Variants in EZR observed in about 807,000 individuals in gnomAD.
The protein encoded by EZR is ezrin.
Under a neutral mutation model 74.8 loss-of-function variants are expected in EZR, and 40 were observed. The ratio of observed to expected loss-of-function variants is 0.53; its 90% CI spans 0.42 to 0.70. EZR has a LOEUF of 0.70. Ranked by LOEUF, EZR falls within the 30% of genes least tolerant of loss-of-function variation. The probability of loss-of-function intolerance (pLI) is 0.00; values close to 1 mark genes in which losing one functional copy is unlikely to be tolerated. For synonymous variants in EZR, 341 were observed against 283.3 expected (o/e 1.20, Z -2.05); for missense variants, 678 against 755.8 (o/e 0.90, Z 1.21).
At chr6:158,812,603 T>C (rs746069934) in intron 2 of EZR, among the ~76,000 whole-genome samples, 2 of 152,206 alleles carry the variant, frequency 1.3e-5, no homozygotes, top group Non-Finnish European at 2.9e-5. Context: ...GATTTAAAAA[T>C]AACGTAGTTT....
At chr6:158,794,456 T>C (rs1777023949) in intron 2 of EZR, among the ~76,000 whole-genome samples, 1 of 152,186 alleles carries the variant, frequency 6.6e-6, no homozygotes, top group Non-Finnish European at 1.5e-5. Context: ...GCCAACTGGT[T>C]CTTGTATCTT....
chr6:158,797,075 AT>A (rs567594907), intron 2 of EZR, among the ~76,000 whole-genome samples: 92 of 152,238 alleles, frequency 6.0e-4, no homozygotes, highest in African/African-American at 2.1e-3. Context: ...TAGGTATGCA[AT>A]TTTTCCTTTG....
chr6:158,810,502 T>C (rs543281651), intron 2 of EZR, among the ~76,000 whole-genome samples: 2 of 152,148 alleles, frequency 1.3e-5, no homozygotes, highest in Non-Finnish European at 2.9e-5. Flanking sequence ...GCAAAACCAA[T>C]CTTATTTTTA....
At chr6:158,795,367 T>A (rs1251187829) in intron 2 of EZR, among the ~76,000 whole-genome samples, 1 of 151,842 alleles carries the variant, frequency 6.6e-6, no homozygotes, top group Admixed American at 6.6e-5. Context: ...AGGCGAGGAG[T>A]TTGAGACTAC....
intron 2 of EZR, among the ~76,000 whole-genome samples, chr6:158,815,564 C>T (rs944592233): frequency 2.6e-5 from 4 of 152,198 alleles, no homozygotes; most frequent in Non-Finnish European, 5.9e-5. Context: ...CAGCCTTGAC[C>T]TCCAGGGCTC....
chr6:158,766,773 A>T lies in EZR; in HGVS notation c.*141T>A, dbSNP rs763084832. On this transcript the variant is annotated 3_prime_UTR_variant, in exon 14 of 14. Coordinates refer to ENST00000367075, the MANE Select transcript of EZR (RefSeq NM_001111077.2). ...GGCGCCTCCCTGGTTCCCAGCCCAG[A>T]ATGTTTCTGTTGGGTAACTGCTTTC... 8.1e-6 allele frequency: 7 copies of T among 866,648 alleles called. No homozygotes were observed. Among genetic ancestry groups the T allele is most frequent in the Non-Finnish European group, 1.3e-5 (7 of 552,164 alleles). The allele number at this position is 866,648 out of a possible 1,614,324, so 53.7% of individuals were successfully genotyped here.
At chr6:158,804,505 G>A (rs1370917738) in intron 2 of EZR, among the ~76,000 whole-genome samples, 1 of 152,158 alleles carries the variant, frequency 6.6e-6, no homozygotes, top group East Asian at 1.9e-4. Flanking sequence ...TCACCAACAT[G>A]CTTCACTGAA....
chr6:158,775,406 A>C (rs1202033935), intron 8 of EZR, among the ~76,000 whole-genome samples: 1 of 152,218 alleles, frequency 6.6e-6, no homozygotes, highest in African/African-American at 2.4e-5. Flanking sequence ...ATGCTAGACA[A>C]ACCTGTATGT....
intron 2 of EZR, among the ~76,000 whole-genome samples, chr6:158,816,290 T>C (rs375035968): frequency 2.1e-4 from 32 of 152,232 alleles, no homozygotes; most frequent in African/African-American, 7.7e-4. Flanking sequence ...TACCTTGAAA[T>C]GTAAACCTAA....
chr6:158,776,525 T>C lies in EZR; in HGVS notation c.699-21A>G, dbSNP rs760573723. ...TTAACCTGAGGTTAAAAAGAAGAAG[T>C]GGATGGTTAGATGTATACATATGTT... On this transcript the variant is annotated intron_variant, in intron 7 of 13. Transcript: ENST00000367075. 48 of 1,559,168 alleles carry C rather than the reference T, an allele frequency of 3.1e-5. No homozygotes were observed. In the South Asian group the frequency reaches 4.5e-4, roughly 15 times the overall value.
chr6:158,782,356 T>A (rs1215020730), intron 7 of EZR, among the ~76,000 whole-genome samples: 3 of 152,120 alleles, frequency 2.0e-5, no homozygotes, highest in East Asian at 3.9e-4. Context: ...ACCACTCCCT[T>A]TGAGAACTCC....
chr6:158,772,054 C>T (rs1791127262), intron 8 of EZR, among the ~76,000 whole-genome samples: 1 of 152,198 alleles, frequency 6.6e-6, no homozygotes, highest in South Asian at 2.1e-4. Context: ...TGGGCCCAGC[C>T]TCCGCTGTGC....
rs778332288 is a variant in EZR, at chr6:158,818,113, T to TC, written c.-21dup. 1 of 1,607,162 alleles carries TC rather than the reference T, an allele frequency of 6.2e-7. No homozygotes were observed. Among genetic ancestry groups the TC allele is most frequent in the Non-Finnish European group, 8.5e-7 (1 of 1,175,360 alleles). On this transcript the variant is annotated 5_prime_UTR_variant, in exon 2 of 14. Coordinates refer to ENST00000367075, the MANE Select transcript of EZR (RefSeq NM_001111077.2). ...CGGCATTTTCGGTTTCTGGTGAGTA[T>TC]CCTCGATCCCCGAAAACACGACTAT...
intron 10 of EZR, 28 bp from the exon 11 acceptor site, chr6:158,769,972 C>T: frequency 1.2e-6 from 2 of 1,604,622 alleles, no homozygotes; most frequent in Non-Finnish European, 1.7e-6. Flanking sequence ...CAGAGCCATT[C>T]AAACCCTCAG....
intron 2 of EZR, among the ~76,000 whole-genome samples, chr6:158,817,083 C>T (rs1477701384): frequency 2.0e-5 from 3 of 152,004 alleles, no homozygotes; most frequent in African/African-American, 7.2e-5. Flanking sequence ...AGACTCCGCT[C>T]CCCCATCCCC....
At chr6:158,815,122 A>G (rs1032719592) in intron 2 of EZR, among the ~76,000 whole-genome samples, 1 of 152,238 alleles carries the variant, frequency 6.6e-6, no homozygotes, top group Non-Finnish European at 1.5e-5. Flanking sequence ...CTTCGCTAAC[A>G]TTCTTAACTT....
rs58499377 is a variant in EZR at position 158,811,875 on chromosome 6, C to CAAA, written c.12+6204_12+6206dup. Reference sequence around the variant, plus strand: ...GGGTGACAGAGTGAGACCCTGTTTCCAAAAAAAAAAAATTCACATTATTTC... The same window carrying CAAA: ...GGGTGACAGAGTGAGACCCTGTTTCCAAAAAAAAAAAAAAATTCACATTATTTC... On this transcript the variant is annotated intron_variant, in intron 2 of 13. Coordinates refer to ENST00000367075, the MANE Select transcript of EZR (RefSeq NM_001111077.2). Among the ~76,000 whole-genome samples the CAAA allele has an allele frequency of 1.7e-3, 238 of 140,748 alleles. 1 individual carries two copies. The highest frequency in any genetic ancestry group is 5.9e-3 in the African/African-American group (222 of 37,570). 92.3% of individuals were successfully genotyped at this position (140,748 alleles called of 152,430 possible).
At position 158,789,278 on chromosome 6, in the gene EZR, A is replaced by G. The variant is rs1421145819; in HGVS notation, c.96+10T>C. ...GTAGGTGGAGTTAACTCTCAAGTTC[A>G]GAGACCAACCTGATCAAAAAGCTGT... On this transcript the variant is annotated intron_variant, in intron 3 of 13. Coordinates refer to ENST00000367075, the MANE Select transcript of EZR (RefSeq NM_001111077.2). 6.2e-7 allele frequency: 1 copy of G among 1,610,608 alleles called. No homozygotes were observed. The highest frequency in any genetic ancestry group is 8.5e-7 in the Non-Finnish European group (1 of 1,177,642).
chr6:158,791,957 C>A (rs950169313), intron 2 of EZR, among the ~76,000 whole-genome samples: 1 of 151,962 alleles, frequency 6.6e-6, no homozygotes, highest in Non-Finnish European at 1.5e-5. Context: ...ATCTGCCTGC[C>A]TCGGCCTCCC....
Sources: gnomAD v4.1 joint callset for allele counts (sites outside exome capture counted in the v4.1 genomes callset) on GRCh38, gnomAD v4.1.1 for gene constraint, MANE v1.5 for transcripts, NCBI Gene and HGNC (gene_info 2026-07-23, HGNC 2026-07-21) for gene names.